Variants in CSMD1 observed in about 807,000 individuals in gnomAD.
CSMD1 encodes CUB and sushi domain-containing protein 1.
CSMD1 carries 213 observed loss-of-function variants against 417.5 expected under a neutral mutation model. The ratio of observed to expected loss-of-function variants is 0.51; its 90% CI spans 0.46 to 0.57. CSMD1 has a LOEUF of 0.57. Ranked by LOEUF, CSMD1 falls within the 20% of genes least tolerant of loss-of-function variation. The pLI is 0.00. For missense variants in CSMD1, 6,923 were observed against 4,529.7 expected (o/e 1.53, Z -15.17); for synonymous variants, 2,862 against 1,736.8 (o/e 1.65, Z -16.11).
chr8:3,751,664 C>G (rs1797349912), intron 6 of CSMD1, among the ~76,000 whole-genome samples: 1 of 151,834 alleles, frequency 6.6e-6, no homozygotes, highest in Middle Eastern at 3.4e-3. Flanking sequence ...AAATCAACGT[C>G]TGATACATCT....
At chr8:2,999,722 A>T (rs962715568) in intron 53 of CSMD1, among the ~76,000 whole-genome samples, 1 of 152,020 alleles carries the variant, frequency 6.6e-6, no homozygotes, top group Non-Finnish European at 1.5e-5. Flanking sequence ...ATTGATAAGC[A>T]AATTAAATGT....
chr8:4,426,996 A>T (rs764650582), intron 2 of CSMD1, among the ~76,000 whole-genome samples: 1 of 152,098 alleles, frequency 6.6e-6, no homozygotes, highest in Non-Finnish European at 1.5e-5. Context: ...GACAATTTAG[A>T]TATCAAGAAG....
intron 12 of CSMD1, among the ~76,000 whole-genome samples, chr8:3,412,112 A>G (rs188661464): frequency 3.6e-5 from 4 of 110,084 alleles, no homozygotes; most frequent in African/African-American, 1.4e-4. Flanking sequence ...ACATATATAC[A>G]TATATACACA....
At chr8:3,380,780 T>C (rs1472180165) in intron 18 of CSMD1, among the ~76,000 whole-genome samples, 3 of 151,918 alleles carry the variant, frequency 2.0e-5, no homozygotes, top group African/African-American at 7.3e-5. Flanking sequence ...TTAGAAGAAA[T>C]ACCTAATGTA....
intron 5 of CSMD1, among the ~76,000 whole-genome samples, chr8:3,895,799 C>T (rs192185752): frequency 1.3e-5 from 2 of 152,292 alleles, no homozygotes; most frequent in African/African-American, 4.8e-5. Context: ...CTTCACACTC[C>T]AGTTGTACCT....
At chr8:4,349,391 G>C (rs1055940388) in intron 3 of CSMD1, among the ~76,000 whole-genome samples, 7 of 152,110 alleles carry the variant, frequency 4.6e-5, no homozygotes, top group African/African-American at 1.7e-4. Context: ...TTTTGTGGTA[G>C]GCAGAGGAAA....
At chr8:3,829,214 G>A (rs368920771) in intron 5 of CSMD1, among the ~76,000 whole-genome samples, 1 of 151,978 alleles carries the variant, frequency 6.6e-6, no homozygotes, top group East Asian at 1.9e-4. Context: ...AAAGTCCATT[G>A]TATCCTTCTT....
At chr8:4,156,815 C>T (rs989355436) in intron 3 of CSMD1, among the ~76,000 whole-genome samples, 6 of 152,116 alleles carry the variant, frequency 3.9e-5, no homozygotes, top group African/African-American at 1.2e-4. Flanking sequence ...CAGCAGCGAG[C>T]AGCAAGTACT....
intron 5 of CSMD1, among the ~76,000 whole-genome samples, chr8:3,971,680 G>C (rs1221614450): frequency 2.0e-5 from 3 of 152,134 alleles, no homozygotes; most frequent in Non-Finnish European, 1.5e-5. Context: ...GGTACTCAGA[G>C]GGAGAAAGGA....
At chr8:4,855,935 G>C (rs1429278156) in intron 1 of CSMD1, among the ~76,000 whole-genome samples, 3 of 149,856 alleles carry the variant, frequency 2.0e-5, no homozygotes, top group African/African-American at 7.4e-5. Context: ...TACTCCTCGA[G>C]AAGAGCAACT....
chr8:3,615,624 T>C (rs61134948), intron 8 of CSMD1, among the ~76,000 whole-genome samples: 15,709 of 152,236 alleles, frequency 0.1, 1,042 homozygotes, highest in East Asian at 0.28. Context: ...TTTTCTTATT[T>C]TTCTATTGCT....
At chr8:3,226,480 G>A (rs1040154337) in intron 27 of CSMD1, among the ~76,000 whole-genome samples, 1 of 151,684 alleles carries the variant, frequency 6.6e-6, no homozygotes, top group African/African-American at 2.4e-5. Flanking sequence ...CTACTCAGGA[G>A]GCTGAGGCAG....
At chr8:3,467,198 C>A (rs1287943046) in intron 12 of CSMD1, among the ~76,000 whole-genome samples, 1 of 152,204 alleles carries the variant, frequency 6.6e-6, no homozygotes. Flanking sequence ...CTACTTATGT[C>A]TCTTCATAGT....
intron 3 of CSMD1, among the ~76,000 whole-genome samples, chr8:4,115,249 A>C (rs920410031): frequency 6.6e-6 from 1 of 152,242 alleles, no homozygotes. Context: ...TTCCAGTAGC[A>C]AAAAGATTAT....
At chr8:3,155,207 G>C (rs1254008040) in intron 39 of CSMD1, among the ~76,000 whole-genome samples, 1 of 151,896 alleles carries the variant, frequency 6.6e-6, no homozygotes. Context: ...TGATTTCATT[G>C]TGAAGTTTAA....
At chr8:3,470,724 T>G (rs142472655) in intron 11 of CSMD1, among the ~76,000 whole-genome samples, 1 of 152,114 alleles carries the variant, frequency 6.6e-6, no homozygotes, top group South Asian at 2.1e-4. Context: ...CACTAATCAG[T>G]ATCCATCTCT....
chr8:3,735,641 C>T (rs1035058587), intron 6 of CSMD1, among the ~76,000 whole-genome samples: 1 of 152,124 alleles, frequency 6.6e-6, no homozygotes, highest in Non-Finnish European at 1.5e-5. Context: ...TCTCTTGGTG[C>T]CCTGGTTCAC....
chr8:3,887,299 C>T (rs932491758), intron 5 of CSMD1, among the ~76,000 whole-genome samples: 1 of 152,148 alleles, frequency 6.6e-6, no homozygotes, highest in Non-Finnish European at 1.5e-5. Context: ...GGTACATCCT[C>T]CCCCCATCGC....
chr8:3,638,700 G>C (rs1797163267), intron 7 of CSMD1, among the ~76,000 whole-genome samples: 1 of 152,080 alleles, frequency 6.6e-6, no homozygotes, highest in Non-Finnish European at 1.5e-5. Context: ...CGACACATGG[G>C]CAAAAGGCTT....
Sources: gnomAD v4.1 joint callset for allele counts (sites outside exome capture counted in the v4.1 genomes callset) on GRCh38, gnomAD v4.1.1 for gene constraint, MANE v1.5 for transcripts, NCBI Gene and HGNC (gene_info 2026-07-23, HGNC 2026-07-21) for gene names.